Variants in DIP2B observed in about 807,000 individuals in gnomAD.
The protein encoded by DIP2B is DIP2 acetate--CoA ligase B (putative), also known as disco-interacting protein 2 homolog B.
Under a neutral mutation model 198.0 loss-of-function variants are expected in DIP2B, and 76 were observed. That is an observed-to-expected ratio of 0.38 (90% confidence interval 0.32 to 0.46). The LOEUF is 0.46. Ranked by LOEUF, DIP2B falls within the 20% of genes least tolerant of loss-of-function variation. The probability of loss-of-function intolerance (pLI) is 0.99; values close to 1 mark genes in which losing one functional copy is unlikely to be tolerated. For missense variants in DIP2B, 1,559 were observed against 1,978.4 expected, an observed-to-expected ratio of 0.79 and a Z score of 4.02; for synonymous variants, 701 against 739.1, an observed-to-expected ratio of 0.95 and a Z score of 0.84.
intron 1 of DIP2B, among the ~76,000 whole-genome samples, chr12:50,556,319 A>G (rs1958470603): frequency 6.6e-6 from 1 of 152,092 alleles, no homozygotes; most frequent in African/African-American, 2.4e-5. Context: ...AAGTGCTGGG[A>G]TTACAGGCAT....
At chr12:50,549,758 T>C (rs1019311608) in intron 1 of DIP2B, among the ~76,000 whole-genome samples, 4 of 151,850 alleles carry the variant, frequency 2.6e-5, no homozygotes, top group African/African-American at 9.7e-5. Flanking sequence ...ATTTTTTGTT[T>C]AATATGACAT....
At chr12:50,613,913 G>A (rs1233499213) in intron 1 of DIP2B, among the ~76,000 whole-genome samples, 1 of 152,172 alleles carries the variant, frequency 6.6e-6, no homozygotes, top group Non-Finnish European at 1.5e-5. Context: ...TTGTATGTAG[G>A]AAGTTCTTAG....
At chr12:50,722,203 AT>A (rs1267243404) in intron 26 of DIP2B, among the ~76,000 whole-genome samples, 1 of 151,402 alleles carries the variant, frequency 6.6e-6, no homozygotes, top group African/African-American at 2.4e-5. Context: ...TTGGCCTGTT[AT>A]CCCCCCACAC....
intron 2 of DIP2B, among the ~76,000 whole-genome samples, chr12:50,630,240 A>C (rs1326822996): frequency 6.6e-6 from 1 of 151,732 alleles, no homozygotes; most frequent in Non-Finnish European, 1.5e-5. Context: ...GAGCCACTGC[A>C]CCCGGCCAAA....
At chr12:50,520,778 T>C (rs1958110106) in intron 1 of DIP2B, among the ~76,000 whole-genome samples, 1 of 152,214 alleles carries the variant, frequency 6.6e-6, no homozygotes, top group Non-Finnish European at 1.5e-5. Flanking sequence ...CAGTGTTCTT[T>C]AGTGAAAATG....
intron 2 of DIP2B, among the ~76,000 whole-genome samples, chr12:50,639,689 G>A (rs1341145252): frequency 1.3e-5 from 2 of 151,816 alleles, no homozygotes; most frequent in African/African-American, 4.8e-5. Flanking sequence ...TAATATATTA[G>A]GCATTTAATT....
intron 8 of DIP2B, chr12:50,679,588 C>T (rs1939002954): frequency 1.3e-5 from 2 of 152,326 alleles, no homozygotes; most frequent in Admixed American, 1.3e-4. Flanking sequence ...TCCCTTATCT[C>T]ATAATCTAAA....
chr12:50,547,035 T>C (rs972544110), intron 1 of DIP2B, among the ~76,000 whole-genome samples: 54 of 152,324 alleles, frequency 3.5e-4, no homozygotes, highest in Non-Finnish European at 6.9e-4. Context: ...TACTCCCTTC[T>C]TTTTTGACCT....
intron 1 of DIP2B, among the ~76,000 whole-genome samples, chr12:50,585,560 C>T (rs1047134243): frequency 6.6e-6 from 1 of 152,088 alleles, no homozygotes; most frequent in African/African-American, 2.4e-5. Flanking sequence ...GAGGAACAAG[C>T]TAGGTGCCTT....
chr12:50,680,876 T>A (rs1046808536), intron 9 of DIP2B, 113 bp downstream of exon 9: 8 of 1,018,480 alleles, frequency 7.9e-6, no homozygotes, highest in African/African-American at 1.6e-5. Context: ...GTAACTCTTA[T>A]TTTTGGAAAA....
chr12:50,691,629 C>T (rs931360683), intron 13 of DIP2B, among the ~76,000 whole-genome samples: 1 of 151,944 alleles, frequency 6.6e-6, no homozygotes, highest in African/African-American at 2.4e-5. Context: ...TAGTGTTTTC[C>T]CTTTATAAAA....
intron 4 of DIP2B, among the ~76,000 whole-genome samples, chr12:50,663,818 C>T (rs983757525): frequency 3.2e-4 from 47 of 145,530 alleles, no homozygotes; most frequent in Middle Eastern, 3.5e-3. Flanking sequence ...TGCAGTGAGC[C>T]GAGATCAATC....
intron 1 of DIP2B, among the ~76,000 whole-genome samples, chr12:50,621,366 C>T (rs1027693322): frequency 6.6e-6 from 1 of 152,226 alleles, no homozygotes; most frequent in Non-Finnish European, 1.5e-5. Flanking sequence ...TGTCAAGTTT[C>T]GGTAAACTTC....
intron 1 of DIP2B, among the ~76,000 whole-genome samples, chr12:50,590,759 AT>A (rs1412695884): frequency 2.6e-5 from 4 of 152,232 alleles, no homozygotes; most frequent in Non-Finnish European, 5.9e-5. Flanking sequence ...ACAAACAAGA[AT>A]TTAGACTTTA....
At chr12:50,552,477 A>G (rs1029425057) in intron 1 of DIP2B, among the ~76,000 whole-genome samples, 12 of 152,004 alleles carry the variant, frequency 7.9e-5, no homozygotes, top group Non-Finnish European at 1.6e-4. Context: ...TGTGTTAGCC[A>G]GGATGGTCTC....
intron 26 of DIP2B, 27 bp from the exon 27 acceptor site, chr12:50,723,175 C>G (rs1222715847): frequency 1.2e-6 from 2 of 1,613,464 alleles, no homozygotes; most frequent in Non-Finnish European, 1.7e-6. Flanking sequence ...TTCAGTGACT[C>G]TCCTGACAGG....
At chr12:50,552,003 G>C (rs923352286) in intron 1 of DIP2B, among the ~76,000 whole-genome samples, 2 of 152,040 alleles carry the variant, frequency 1.3e-5, no homozygotes, top group Non-Finnish European at 2.9e-5. Flanking sequence ...TTTTATAGTG[G>C]CTGCACCATT....
At chr12:50,546,553 T>G (rs955767663) in intron 1 of DIP2B, among the ~76,000 whole-genome samples, 1 of 152,212 alleles carries the variant, frequency 6.6e-6, no homozygotes, top group East Asian at 1.9e-4. Flanking sequence ...CTAGCACTTA[T>G]TTTTGGGCAA....
chr12:50,576,165 G>A (rs529814686), intron 1 of DIP2B, among the ~76,000 whole-genome samples: 4 of 151,642 alleles, frequency 2.6e-5, no homozygotes, highest in South Asian at 2.1e-4. Flanking sequence ...CGCCTCCTGG[G>A]TTCAAGTGAT....
Sources: gnomAD v4.1 joint callset for allele counts (sites outside exome capture counted in the v4.1 genomes callset) on GRCh38, gnomAD v4.1.1 for gene constraint, MANE v1.5 for transcripts, NCBI Gene and HGNC (gene_info 2026-07-23, HGNC 2026-07-21) for gene names.